Variants in PCSK5 observed in about 807,000 individuals in gnomAD.
The protein encoded by PCSK5 is proprotein convertase subtilisin/kexin type 5.
Under a neutral mutation model 233.2 loss-of-function variants are expected in PCSK5, and 129 were observed. The ratio of observed to expected loss-of-function variants is 0.55; its 90% CI spans 0.48 to 0.64. The LOEUF is 0.64. PCSK5 is among the 30% of genes least tolerant of loss of function. PCSK5 has a pLI of 0.00. For synonymous variants in PCSK5, 825 were observed against 879.2 expected (o/e 0.94, Z 1.09); for missense variants, 2,076 against 2,430.1 (o/e 0.85, Z 3.06).
chr9:76,052,647 A>G (rs1829672139), intron 5 of PCSK5, among the ~76,000 whole-genome samples: 1 of 152,198 alleles, frequency 6.6e-6, no homozygotes, highest in Non-Finnish European at 1.5e-5. Flanking sequence ...AAACCATATC[A>G]TTCTGTCCCT....
intron 7 of PCSK5, among the ~76,000 whole-genome samples, chr9:76,074,356 G>GA (rs1830573481): frequency 6.6e-6 from 1 of 152,128 alleles, no homozygotes; most frequent in African/African-American, 2.4e-5. Flanking sequence ...TTTACTTAGG[G>GA]AAAAAAAGGA....
chr9:76,172,779 C>T (rs10122764), intron 13 of PCSK5, among the ~76,000 whole-genome samples: 3,047 of 152,266 alleles, frequency 0.02, 92 homozygotes, highest in African/African-American at 0.07. Context: ...TCATTCACTT[C>T]TTATCACTCC....
In PCSK5 at chr9:76,169,696, A is replaced by G. The variant is rs1161125550; in HGVS notation, c.1620-8A>G. The G allele has an allele frequency of 5.6e-6, 9 of 1,611,690 alleles. No individual in the cohort carries two copies. In the East Asian group the frequency reaches 2.0e-4, roughly 36 times the overall value. ...TATCGCACATAACAATGTTTTGTTC[A>G]CTTTCAGGCTATTTGATCACTCCAT... On this transcript the variant is annotated splice_region_variant and splice_polypyrimidine_tract_variant and intron_variant, in intron 12 of 37. Coordinates refer to ENST00000674117, the MANE Select transcript of PCSK5 (RefSeq NM_001372043.1).
At chr9:75,988,270 GT>G (rs1826611156) in intron 3 of PCSK5, among the ~76,000 whole-genome samples, 1 of 151,662 alleles carries the variant, frequency 6.6e-6, no homozygotes, top group African/African-American at 2.4e-5. Context: ...ACTTTATGAG[GT>G]TTTTCTTTTT....
chr9:76,318,282 CA>C (rs2131453118), intron 30 of PCSK5, among the ~76,000 whole-genome samples: 2 of 152,070 alleles, frequency 1.3e-5, no homozygotes, highest in African/African-American at 4.8e-5. Context: ...CACATGGACA[CA>C]GGGAGGGGAA....
intron 10 of PCSK5, among the ~76,000 whole-genome samples, chr9:76,156,320 G>C (rs1007308737): frequency 6.6e-6 from 1 of 152,160 alleles, no homozygotes; most frequent in East Asian, 1.9e-4. Context: ...AGATCAATAG[G>C]TTTGCTAACT....
intron 24 of PCSK5, among the ~76,000 whole-genome samples, chr9:76,273,597 T>TA (rs1827600498): frequency 9.5e-6 from 1 of 105,138 alleles, no homozygotes; most frequent in Non-Finnish European, 1.9e-5. Flanking sequence ...ATATATATAT[T>TA]TGTACTGCTT....
At chr9:76,050,649 C>A (rs889281945) in intron 5 of PCSK5, among the ~76,000 whole-genome samples, 5 of 152,176 alleles carry the variant, frequency 3.3e-5, no homozygotes, top group African/African-American at 1.2e-4. Flanking sequence ...TCTTATAACA[C>A]CTTGTACGTA....
chr9:76,299,798 T>C (rs1828550758), intron 27 of PCSK5, among the ~76,000 whole-genome samples: 1 of 152,212 alleles, frequency 6.6e-6, no homozygotes, highest in African/African-American at 2.4e-5. Context: ...CCACGGGCTT[T>C]GAAGGAAGAT....
intron 7 of PCSK5, among the ~76,000 whole-genome samples, chr9:76,094,182 T>C (rs1831412761): frequency 6.6e-6 from 1 of 152,228 alleles, no homozygotes; most frequent in Non-Finnish European, 1.5e-5. Flanking sequence ...ATAAATATAC[T>C]GTTCCTTGAG....
rs1041832849 is a variant in PCSK5, at chr9:76,359,446, G to A, written c.*524G>A. 6.2e-6 allele frequency: 1 copy of A among 161,200 alleles called. No homozygotes were observed. The highest frequency in any genetic ancestry group is 1.4e-5 in the Non-Finnish European group (1 of 72,978). 10.0% of individuals were successfully genotyped at this position (161,200 alleles called of 1,614,324 possible). ...TTGTTTTGTAAGGGCCAAGAAAAGAGGGCTCTTATCAATTGACTCCAGGCC... is the reference window on the plus strand; with the variant it reads ...TTGTTTTGTAAGGGCCAAGAAAAGAAGGCTCTTATCAATTGACTCCAGGCC... On this transcript the variant is annotated 3_prime_UTR_variant, in exon 38 of 38. Coordinates refer to ENST00000674117, the MANE Select transcript of PCSK5 (RefSeq NM_001372043.1).
chr9:76,335,077 TAAA>T (rs1309511632), intron 34 of PCSK5, among the ~76,000 whole-genome samples: 1 of 152,048 alleles, frequency 6.6e-6, no homozygotes, highest in Non-Finnish European at 1.5e-5. Flanking sequence ...GACCCTGTCT[TAAA>T]AACAAACAAA....
At chr9:76,273,566 T>TATATATATATATA (rs1827595876) in intron 24 of PCSK5, among the ~76,000 whole-genome samples, 1 of 63,006 alleles carries the variant, frequency 1.6e-5, no homozygotes, top group Non-Finnish European at 3.3e-5. Context: ...AAAATAGTAA[T>TATATATATATATA]ATATATATAC....
Position 76,227,564 on chromosome 9 carries a change from G to A in PCSK5, c.2688G>A (p.Gln896=), listed in dbSNP as rs1460290102. ...GTGAGGCCTCATGTGCCAAGTGCCA[G>A]GGACCAACCCAGGAAGACTGCACTA... ...QTCEASCAKC[Q]GPTQEDCTTC... Residue 896 remains glutamine (Q), a synonymous_variant, in exon 21 of 38, where the codon CAG becomes CAA. Coordinates refer to ENST00000674117, the MANE Select transcript of PCSK5 (RefSeq NM_001372043.1). 1.2e-6 allele frequency: 2 copies of A among 1,612,002 alleles called. No homozygotes were observed. The highest frequency in any genetic ancestry group is 1.7e-6 in the Non-Finnish European group (2 of 1,179,594).
At chr9:76,131,861 C>T (rs1005619498) in intron 9 of PCSK5, among the ~76,000 whole-genome samples, 3 of 151,930 alleles carry the variant, frequency 2.0e-5, no homozygotes, top group African/African-American at 4.8e-5. Context: ...GGAGTTAAAA[C>T]GTGAAAGTTC....
At chr9:76,104,531 T>C (rs1158093498) in intron 8 of PCSK5, among the ~76,000 whole-genome samples, 2 of 152,258 alleles carry the variant, frequency 1.3e-5, no homozygotes, top group Admixed American at 6.5e-5. Flanking sequence ...AGTAGCTTTA[T>C]ATTAAAGCAT....
At chr9:76,081,768 G>A (rs535755167) in intron 7 of PCSK5, among the ~76,000 whole-genome samples, 6 of 151,992 alleles carry the variant, frequency 3.9e-5, no homozygotes, top group African/African-American at 1.4e-4. Context: ...CTTGTTGATG[G>A]CTCTCCCATT....
At chr9:76,208,198 A>G (rs1409718974) in intron 20 of PCSK5, among the ~76,000 whole-genome samples, 3 of 152,116 alleles carry the variant, frequency 2.0e-5, no homozygotes, top group Non-Finnish European at 4.4e-5. Flanking sequence ...AAATTTCAAC[A>G]TGAGTTTTGG....
chr9:76,205,239 G>T (rs377394693), intron 20 of PCSK5: 10 of 518,572 alleles, frequency 1.9e-5, no homozygotes, highest in Non-Finnish European at 3.8e-5. Flanking sequence ...TCCACCTCCC[G>T]CTTCCAGCTC....
Sources: gnomAD v4.1 joint callset for allele counts (sites outside exome capture counted in the v4.1 genomes callset) on GRCh38, gnomAD v4.1.1 for gene constraint, MANE v1.5 for transcripts, NCBI Gene and HGNC (gene_info 2026-07-23, HGNC 2026-07-21) for gene names.